The following SPIN1 variants were observed in gnomAD, a reference collection of about 807,000 sequenced individuals.
The protein encoded by SPIN1 is spindlin-1.
Under a neutral mutation model 26.0 loss-of-function variants are expected in SPIN1, and 3 were observed. The observed-to-expected ratio is 0.12, with a 90% CI of 0.05 to 0.30. SPIN1 has a LOEUF of 0.30. Among genes scored for constraint, SPIN1 ranks in the 10% least tolerant of loss-of-function variants. The pLI is 1.00. For missense variants in SPIN1, 126 were observed against 333.4 expected (o/e 0.38, Z 4.84); for synonymous variants, 101 against 116.5 (o/e 0.87, Z 0.86).
intron 2 of SPIN1, among the ~76,000 whole-genome samples, chr9:88,437,142 A>G (rs186346813): frequency 4.3e-4 from 66 of 151,944 alleles, no homozygotes; most frequent in Non-Finnish European, 8.7e-4. Context: ...GCACAAGTTT[A>G]TTTATCCATT....
chr9:88,458,406 T>C (rs901397874), intron 3 of SPIN1, among the ~76,000 whole-genome samples: 3 of 152,202 alleles, frequency 2.0e-5, no homozygotes, highest in Admixed American at 1.3e-4. Flanking sequence ...TGAGGAGGAC[T>C]CTTGGCCAGA....
At chr9:88,388,907 G>C (rs1564018102) in intron 1 of SPIN1, among the ~76,000 whole-genome samples, 3 of 151,230 alleles carry the variant, frequency 2.0e-5, no homozygotes, top group Non-Finnish European at 1.5e-5. Flanking sequence ...GGCGGGCAGG[G>C]GGCGGCGGCG....
intron 3 of SPIN1, among the ~76,000 whole-genome samples, chr9:88,460,884 A>G (rs1314156446): frequency 4.6e-5 from 7 of 152,212 alleles, no homozygotes; most frequent in Non-Finnish European, 7.3e-5. Flanking sequence ...AAAATTAATC[A>G]TCACAGTTTC....
Position 88,448,989 on chromosome 9 carries a change from A to G in SPIN1, c.101A>G (p.Lys34Arg), listed in dbSNP as rs1200033302. Residue 34 changes from lysine (K) to arginine (R), a missense_variant and splice_region_variant, in exon 3 of 6, where the codon AAA becomes AGA. Transcript: ENST00000375859. Reference protein sequence around the residue: ...ANMMKKRTSHKKHRSSVGPSK... With the variant: ...ANMMKKRTSHRKHRSSVGPSK... ...ATGATGAAGAAGAGGACATCCCACA[A>G]GTAAGCAGTTCTGAAACTGGTTCTA... is the stretch of plus-strand genomic sequence containing the variant. The G allele has an allele frequency of 1.2e-6, 2 of 1,612,610 alleles. No homozygotes were observed. The highest frequency in any genetic ancestry group is 1.7e-6 in the Non-Finnish European group (2 of 1,179,678).
intron 5 of SPIN1, 89 bp downstream of exon 5, chr9:88,468,694 C>T: frequency 2.5e-6 from 2 of 816,236 alleles, no homozygotes; most frequent in Non-Finnish European, 3.4e-6. Context: ...TTTGCAGATA[C>T]ATTTTTATTT....
chr9:88,427,167 C>T (rs919524771), intron 2 of SPIN1, among the ~76,000 whole-genome samples: 2 of 152,060 alleles, frequency 1.3e-5, no homozygotes, highest in Non-Finnish European at 2.9e-5. Flanking sequence ...TTCTTTGGGA[C>T]TTGAAAAGCA....
At chr9:88,391,882 G>C (rs1826927264) in intron 1 of SPIN1, 1 of 152,210 alleles carries the variant, frequency 6.6e-6, no homozygotes, top group Non-Finnish European at 1.5e-5. Flanking sequence ...TTGGGACCCA[G>C]CGGGAAGTGA....
intron 1 of SPIN1, among the ~76,000 whole-genome samples, chr9:88,390,145 C>T (rs73652551): frequency 0.026 from 4,011 of 152,174 alleles, 180 homozygotes; most frequent in African/African-American, 0.092. Context: ...TGAACTGGGT[C>T]AAGGCAAAAG....
chr9:88,421,051 T>C (rs1400216663), intron 1 of SPIN1, among the ~76,000 whole-genome samples: 2 of 152,218 alleles, frequency 1.3e-5, no homozygotes, highest in Non-Finnish European at 2.9e-5. Flanking sequence ...ACCACATTAT[T>C]GTAATTTTGT....
At chr9:88,399,118 G>A (rs542883407) in intron 1 of SPIN1, among the ~76,000 whole-genome samples, 128 of 150,728 alleles carry the variant, frequency 8.5e-4, no homozygotes, top group African/African-American at 3.0e-3. Context: ...TGCAACCTCC[G>A]CCTCCTGGGT....
chr9:88,403,989 C>T (rs1000215960), intron 1 of SPIN1, among the ~76,000 whole-genome samples: 4 of 152,174 alleles, frequency 2.6e-5, no homozygotes, highest in African/African-American at 9.6e-5. Flanking sequence ...TAGCCTTTGA[C>T]ACACTTAGGC....
chr9:88,404,405 A>G (rs180993429), intron 1 of SPIN1, among the ~76,000 whole-genome samples: 245 of 152,292 alleles, frequency 1.6e-3, no homozygotes, highest in Middle Eastern at 0.014. Flanking sequence ...TCAGACAGCG[A>G]AGACACTTTT....
At chr9:88,452,261 G>A (rs1828369386) in intron 3 of SPIN1, among the ~76,000 whole-genome samples, 1 of 152,136 alleles carries the variant, frequency 6.6e-6, no homozygotes, top group Non-Finnish European at 1.5e-5. Context: ...ATGCATGGAG[G>A]GATTAAGTAA....
intron 1 of SPIN1, among the ~76,000 whole-genome samples, chr9:88,389,208 C>A (rs939394277): frequency 6.6e-6 from 1 of 152,184 alleles, no homozygotes; most frequent in Non-Finnish European, 1.5e-5. Context: ...CGTCTCTTCG[C>A]CGCCCTCCGT....
intron 4 of SPIN1, among the ~76,000 whole-genome samples, chr9:88,464,234 G>T (rs1311119658): frequency 1.3e-5 from 2 of 152,146 alleles, no homozygotes; most frequent in African/African-American, 4.8e-5. Flanking sequence ...TTTAGTATTC[G>T]TGGTATTAGG....
intron 3 of SPIN1, among the ~76,000 whole-genome samples, chr9:88,456,943 A>G (rs1254971404): frequency 1.3e-5 from 2 of 152,202 alleles, no homozygotes. Flanking sequence ...AGATAAGACA[A>G]AGACATTAAA....
At chr9:88,389,916 C>T (rs1033686709) in intron 1 of SPIN1, among the ~76,000 whole-genome samples, 1 of 151,896 alleles carries the variant, frequency 6.6e-6, no homozygotes, top group Non-Finnish European at 1.5e-5. Flanking sequence ...TTCTTCCAAC[C>T]TCCCCACTCT....
intron 1 of SPIN1, among the ~76,000 whole-genome samples, chr9:88,403,524 C>G (rs2117920209): frequency 6.6e-6 from 1 of 152,196 alleles, no homozygotes; most frequent in Admixed American, 6.5e-5. Flanking sequence ...GCCTGGGCAA[C>G]ATAGCAAGAC....
intron 3 of SPIN1, among the ~76,000 whole-genome samples, chr9:88,450,973 T>G (rs1360014115): frequency 6.6e-6 from 1 of 152,212 alleles, no homozygotes. Context: ...GCTTGGCTGT[T>G]AGGCCTGTGG....
Sources: gnomAD v4.1 joint callset for allele counts (sites outside exome capture counted in the v4.1 genomes callset) on GRCh38, gnomAD v4.1.1 for gene constraint, MANE v1.5 for transcripts, NCBI Gene and HGNC (gene_info 2026-07-23, HGNC 2026-07-21) for gene names.